The following CHST10 variants were observed in gnomAD, a reference collection of about 807,000 sequenced individuals.
CHST10 encodes the protein carbohydrate sulfotransferase 10.
A neutral mutation model predicts 34.7 loss-of-function variants in CHST10; 24 were observed. The observed-to-expected ratio is 0.69, with a 90% CI of 0.50 to 0.97. The LOEUF (loss-of-function observed/expected upper bound fraction) is 0.97. Among genes scored for constraint, CHST10 ranks in the 50% least tolerant of loss-of-function variants. CHST10 has a pLI of 0.00. For synonymous variants in CHST10, 161 were observed against 169.3 expected, an observed-to-expected ratio of 0.95 and a Z score of 0.38; for missense variants, 402 against 452.1, an observed-to-expected ratio of 0.89 and a Z score of 1.00.
rs994567188 is a variant in CHST10, at chr2:100,392,846, T to G, written c.*399A>C. The G allele has an allele frequency of 4.2e-5, 9 of 211,834 alleles. No individual in the cohort carries two copies. Among genetic ancestry groups the G allele is most frequent in the African/African-American group, 2.0e-4 (9 of 44,156 alleles). 13.1% of individuals were successfully genotyped at this position (211,834 alleles called of 1,614,324 possible). A position where few individuals can be genotyped will look rare whatever the true frequency, so the allele number is the denominator to read the frequency against. ...GGGTGCTGTTCCTGCAACCCACCAG[T>G]GATGGGTGAAGCCACCCTGACTAGC... On this transcript the variant is annotated 3_prime_UTR_variant, in exon 7 of 7. Transcript: ENST00000264249.
intron 3 of CHST10, among the ~76,000 whole-genome samples, chr2:100,402,936 A>G (rs529898005): frequency 6.7e-4 from 102 of 152,330 alleles, no homozygotes; most frequent in Non-Finnish European, 1.3e-3. Context: ...AAAACCATCA[A>G]TCTTTTTAAA....
intron 4 of CHST10, among the ~76,000 whole-genome samples, chr2:100,398,662 AC>A (rs1675189845): frequency 6.6e-6 from 1 of 152,160 alleles, no homozygotes; most frequent in Non-Finnish European, 1.5e-5. Flanking sequence ...CTAAGATCGC[AC>A]TACTGCACTC....
At position 100,417,593 on chromosome 2, in the gene CHST10, G is replaced by C. The variant is rs1191945580; in HGVS notation, c.-323C>G. ...AGTAAGGAAGACGCCCGGCGCGCTA[G>C]ACCGGCTTTGGGGGCCAGAACGCCG... On this transcript the variant is annotated 5_prime_UTR_variant, in exon 1 of 7. Coordinates refer to ENST00000264249, the MANE Select transcript of CHST10 (RefSeq NM_004854.5). 1 of 151,506 alleles carries C rather than the reference G, an allele frequency of 6.6e-6. No homozygotes were observed. Among genetic ancestry groups the C allele is most frequent in the Non-Finnish European group, 1.5e-5 (1 of 67,842 alleles). 9.4% of individuals were successfully genotyped at this position (151,506 alleles called of 1,614,324 possible). A position where few individuals can be genotyped will look rare whatever the true frequency, so the allele number is the denominator to read the frequency against.
chr2:100,394,128 G>C (rs1674936007), intron 6 of CHST10, among the ~76,000 whole-genome samples: 1 of 152,122 alleles, frequency 6.6e-6, no homozygotes, highest in Non-Finnish European at 1.5e-5. Flanking sequence ...TTTTGTTCCT[G>C]GGCAGAAAAT....
Position 100,395,491 on chromosome 2 carries a change from T to C in CHST10, c.533+18A>G, listed in dbSNP as rs1437621188. 1.2e-6 allele frequency: 2 copies of C among 1,604,192 alleles called. No individual in the cohort carries two copies. The highest frequency in any genetic ancestry group is 1.7e-6 in the Non-Finnish European group (2 of 1,171,892). ...TTTACAAAAACTCCCCCCTCCCCTT[T>C]GAGGAAGCTGTTCTCACCGCTTCTG... On this transcript the variant is annotated intron_variant, in intron 6 of 6. Coordinates refer to ENST00000264249, the MANE Select transcript of CHST10 (RefSeq NM_004854.5).
chr2:100,401,091 G>A (rs533278428), intron 4 of CHST10, among the ~76,000 whole-genome samples: 2 of 152,312 alleles, frequency 1.3e-5, no homozygotes, highest in Admixed American at 1.3e-4. Flanking sequence ...TGTGGCCTCA[G>A]CGGACATCAC....
At chr2:100,395,440 G>C in intron 6 of CHST10, 69 bp downstream of exon 6, 1 of 1,382,736 alleles carries the variant, frequency 7.2e-7, no homozygotes, top group African/African-American at 1.4e-5. Flanking sequence ...ACTCAGCCTG[G>C]GGTTTTCCCC....
rs781657019 is a variant in CHST10 at position 100,402,613 on chromosome 2, G to A, written c.143C>T (p.Pro48Leu). ...CTCTTCTGGCAACTTCCTCACTTCC[G>A]GCATGGTTGTCAGGAACAGAAACTC... ...KQEFLFLTTMPEVRKLPEEKH... is the reference protein window; with the variant it reads ...KQEFLFLTTMLEVRKLPEEKH... The change falls in exon 4 of 7, where the codon CCG (proline) becomes CTG (leucine). Residue 48 changes from proline to leucine, a missense_variant. Coordinates refer to ENST00000264249, the MANE Select transcript of CHST10 (RefSeq NM_004854.5). The A allele has an allele frequency of 2.4e-5, 38 of 1,613,820 alleles. 1 individual carries two copies. In the African/African-American group the frequency reaches 3.1e-4, roughly 13 times the overall value.
intron 2 of CHST10, among the ~76,000 whole-genome samples, chr2:100,413,908 A>C (rs1164074136): frequency 6.6e-6 from 1 of 152,174 alleles, no homozygotes; most frequent in African/African-American, 2.4e-5. Flanking sequence ...ACATTTTTTC[A>C]TTCAGCAATA....
intron 4 of CHST10, among the ~76,000 whole-genome samples, chr2:100,401,372 G>C (rs998337857): frequency 1.3e-5 from 2 of 152,100 alleles, no homozygotes; most frequent in Admixed American, 1.3e-4. Context: ...ACATTCAGGC[G>C]CAGTCTTTTT....
rs1674904111 is a variant in CHST10 at position 100,393,623 on chromosome 2, C to A, written c.693G>T (p.Glu231Asp). Residue 231 changes from glutamate (E) to aspartate (D), a missense_variant, in exon 7 of 7, where the codon GAG (glutamate) becomes GAT (aspartate). Transcript: ENST00000264249. ...IIRKYRRNRTETRGIQFEDFV... is the reference protein window; with the variant it reads ...IIRKYRRNRTDTRGIQFEDFV... The stretch of plus-strand genomic sequence containing the variant: ...AATCTTCAAACTGGATCCCCCGGGT[C>A]TCTGTCCGGTTCCTCCTGTATTTTC... 1 of 1,614,068 alleles carries A rather than the reference C, an allele frequency of 6.2e-7. No individual in the cohort carries two copies. Among genetic ancestry groups the A allele is most frequent in the Non-Finnish European group, 8.5e-7 (1 of 1,180,048 alleles).
intron 2 of CHST10, among the ~76,000 whole-genome samples, chr2:100,412,520 A>C (rs989674361): frequency 6.6e-6 from 1 of 152,212 alleles, no homozygotes; most frequent in Non-Finnish European, 1.5e-5. Flanking sequence ...CTCTGGAGGC[A>C]GTACCCAGGC....
At chr2:100,411,798 G>A (rs551450551) in intron 2 of CHST10, among the ~76,000 whole-genome samples, 26 of 152,192 alleles carry the variant, frequency 1.7e-4, no homozygotes, top group Non-Finnish European at 3.4e-4. Context: ...GGTACTTGAT[G>A]GTGTGAGAGG....
Position 100,399,298 on chromosome 2 carries a change from G to T in CHST10, c.193-1156C>A, listed in dbSNP as rs527377077. ...TTTTGTTGTATTTTTAGTAGAGACGGGGTTTCACTGTGTTAGCCAGGATGG... is the reference window on the plus strand; with the variant it reads ...TTTTGTTGTATTTTTAGTAGAGACGTGGTTTCACTGTGTTAGCCAGGATGG... On this transcript the variant is annotated intron_variant, in intron 4 of 6. Coordinates refer to ENST00000264249, the MANE Select transcript of CHST10 (RefSeq NM_004854.5). Among the ~76,000 whole-genome samples the T allele has an allele frequency of 2.0e-5, 3 of 152,210 alleles. No individual in the cohort carries two copies. In the South Asian group the frequency reaches 6.2e-4, roughly 32 times the overall value.
At chr2:100,415,791 G>C (rs13424473) in intron 1 of CHST10, 15 of 152,148 alleles carry the variant, frequency 9.9e-5, no homozygotes, top group African/African-American at 3.4e-4. Flanking sequence ...GAAATGTATC[G>C]TTAGGCGATG....
intron 2 of CHST10, among the ~76,000 whole-genome samples, chr2:100,414,739 T>A (rs186174115): frequency 9.2e-5 from 14 of 152,250 alleles, no homozygotes; most frequent in Non-Finnish European, 1.5e-4. Context: ...AAAACACTCT[T>A]AACTGTCCAG....
intron 2 of CHST10, among the ~76,000 whole-genome samples, chr2:100,414,619 A>G (rs374348511): frequency 3.5e-4 from 54 of 152,356 alleles, no homozygotes; most frequent in African/African-American, 1.3e-3. Flanking sequence ...TTTCAAATTC[A>G]TAGTAAAGGT....
At chr2:100,415,995 T>A (rs1676051828) in intron 1 of CHST10, 1 of 152,220 alleles carries the variant, frequency 6.6e-6, no homozygotes, top group Non-Finnish European at 1.5e-5. Context: ...AGTATTTGTG[T>A]ATCTAAAATT....
chr2:100,409,591 G>A (rs6727894), intron 2 of CHST10, among the ~76,000 whole-genome samples: 49 of 151,280 alleles, frequency 3.2e-4, no homozygotes, highest in African/African-American at 9.2e-4. Context: ...CACCGTCTCC[G>A]TAGCTAGTCT....
Sources: allele counts gnomAD v4.1 joint callset (sites outside exome capture counted in the v4.1 genomes callset), GRCh38; gene constraint gnomAD v4.1.1; transcripts MANE v1.5; gene names NCBI Gene and HGNC (gene_info 2026-07-23, HGNC 2026-07-21).